RUSC1: variants seen among roughly 807,000 people sequenced by gnomAD.
RUSC1 encodes the protein AP-4 complex accessory subunit RUSC1.
RUSC1 carries 40 observed loss-of-function variants against 72.1 expected under a neutral mutation model. That is an observed-to-expected ratio of 0.55 (90% CI 0.43 to 0.72). The LOEUF (loss-of-function observed/expected upper bound fraction) is 0.72. Among genes scored for constraint, RUSC1 ranks in the 30% least tolerant of loss-of-function variants. The pLI, the probability that RUSC1 is intolerant of heterozygous loss-of-function variation, is 0.00. For missense variants in RUSC1, 1,092 were observed against 1,172.3 expected, an observed-to-expected ratio of 0.93 and a Z score of 1.00; for synonymous variants, 512 against 494.2, an observed-to-expected ratio of 1.04 and a Z score of -0.48.
At chr1:155,324,316 G>C (rs1483291764) in intron 2 of RUSC1, 6 of 1,576,192 alleles carry the variant, frequency 3.8e-6, no homozygotes, top group Non-Finnish European at 2.6e-6. Context: ...AGGCTGCTGC[G>C]GGACCCGGGT....
Position 155,330,656 on chromosome 1 carries a change from C to G in RUSC1, c.*85C>G. The G allele has an allele frequency of 7.5e-7, 1 of 1,326,752 alleles. No individual in the cohort carries two copies. Among genetic ancestry groups the G allele is most frequent in the Non-Finnish European group, 1.0e-6 (1 of 987,698 alleles). The allele number at this position is 1,326,752 out of a possible 1,614,324, so 82.2% of individuals were successfully genotyped here. Reference sequence around the variant, plus strand: ...GTGAACACCATCCCAGAAGCATTTTCCCTCTGCAAAATGACGTTTCTTCCC... The same window carrying G: ...GTGAACACCATCCCAGAAGCATTTTGCCTCTGCAAAATGACGTTTCTTCCC... On this transcript the variant is annotated 3_prime_UTR_variant, in exon 10 of 10. Transcript: ENST00000368352.
intron 2 of RUSC1, 137 bp downstream of exon 2, chr1:155,323,267 GA>G: frequency 9.8e-7 from 1 of 1,022,330 alleles, no homozygotes; most frequent in Non-Finnish European, 1.3e-6. Context: ...AGCGCTCCGG[GA>G]AAGGGAAACT....
chr1:155,328,305 G>A (rs370327369), intron 9 of RUSC1, 30 bp downstream of exon 9: 326 of 1,577,436 alleles, frequency 2.1e-4, no homozygotes, highest in Non-Finnish European at 2.7e-4. Context: ...ATGCACTAGT[G>A]TGTAACCATG....
In RUSC1 at chr1:155,325,723, CG is replaced by C. The variant is rs1557997008; in HGVS notation, c.1814+52del. On this transcript the variant is annotated intron_variant, in intron 6 of 9. Coordinates refer to ENST00000368352, the MANE Select transcript of RUSC1 (RefSeq NM_001105203.2). This position sits in a 1 kb window ranked among gnomAD's most constrained non-coding sequence, Gnocchi z 6.5. ...TTCCCACGACCTGGGACTGCAGGAGCGTCATGGGTGGGACACAGTAGTAGTG... is the reference window on the plus strand; with the variant it reads ...TTCCCACGACCTGGGACTGCAGGAGCTCATGGGTGGGACACAGTAGTAGTG... 1.8e-5 allele frequency: 28 copies of C among 1,599,212 alleles called. No individual in the cohort carries two copies. Among genetic ancestry groups the C allele is most frequent in the Non-Finnish European group, 2.4e-5 (28 of 1,167,782 alleles).
chr1:155,324,393 C>T (rs758574252), intron 2 of RUSC1: 2 of 1,612,998 alleles, frequency 1.2e-6, no homozygotes, highest in Non-Finnish European at 8.5e-7. Flanking sequence ...TCCTCCCTTT[C>T]CCCTGTCTGT....
chr1:155,325,409 C>A lies in RUSC1; in HGVS notation c.1627C>A (p.Leu543Met). 1 of 1,592,064 alleles carries A rather than the reference C, an allele frequency of 6.3e-7. No homozygotes were observed. The highest frequency in any genetic ancestry group is 2.3e-5 in the East Asian group (1 of 44,140). Residue 543 changes from leucine (L) to methionine (M), a missense_variant, in exon 5 of 10, where the codon CTG (leucine) becomes ATG (methionine). Transcript: ENST00000368352. This position sits in a 1 kb window ranked among gnomAD's most constrained non-coding sequence, Gnocchi z 6.5. ...CCTCCACGCCCTGGTGGCGGACGGG[C>A]TGAAGCCTTTCCGGAAGGACCTCAT... ...PALHALVADGLKPFRKDLITG... is the reference protein window; with the variant it reads ...PALHALVADGMKPFRKDLITG...
rs372651498 is a variant in RUSC1, at chr1:155,321,942, G to C, written c.169G>C (p.Gly57Arg). Reference protein sequence around the residue: ...GGKESRGPCSGTLVDANSNSP... With the variant: ...GGKESRGPCSRTLVDANSNSP... ...CAAGGAGAGCAGGGGCCCCTGCAGT[G>C]GCACCCTGGTGGACGCCAATTCCAA... The change falls in exon 2 of 10, where the codon GGC (glycine) becomes CGC (arginine). Residue 57 changes from glycine to arginine, a missense_variant. Gly to Arg is a moderately radical substitution (Grantham distance 125). Transcript: ENST00000368352. The C allele has an allele frequency of 1.6e-5, 25 of 1,603,368 alleles. No individual in the cohort carries two copies. The East Asian group carries it at 1.8e-4, about 11-fold the overall frequency.
At chr1:155,327,963 T>C (rs2148284396) in intron 8 of RUSC1, among the ~76,000 whole-genome samples, 187 bp from the exon 9 acceptor site, 1 of 152,328 alleles carries the variant, frequency 6.6e-6, no homozygotes, top group East Asian at 1.9e-4. Context: ...GGACTTTTGT[T>C]GTCATCTCCC....
chr1:155,323,382 C>T lies in RUSC1; in HGVS notation c.1357+252C>T, dbSNP rs1206313965. The T allele has an allele frequency of 4.2e-4, 164 of 386,986 alleles. 1 individual carries two copies. The East Asian group carries it at 6.1e-3, about 14-fold the overall frequency. The allele number at this position is 386,986 out of a possible 1,614,324, so 24.0% of individuals were successfully genotyped here. On this transcript the variant is annotated intron_variant, in intron 2 of 9. Coordinates refer to ENST00000368352, the MANE Select transcript of RUSC1 (RefSeq NM_001105203.2). ...TGCCCTCCTTCCCTCTGCGCCTGGC[C>T]CCGCCAATCCCGCCTGCAGCCGGTC...
In RUSC1 at chr1:155,328,202, CG is replaced by C; in HGVS notation, c.2473del (p.Ala825HisfsTer39). Reference protein sequence around the residue: ...PTVSVLALVKRGAPPEMPSPQ... With the variant: ...PTVSVLALVKXGAPPEMPSPQ... ...AGTGAGTGTGTTGGCTCTTGTGAAG[CG>C]GGGGGCACCTCCCGAGATGCCTTCT... On this transcript the variant is annotated frameshift_variant, in exon 9 of 10. Coordinates refer to ENST00000368352, the MANE Select transcript of RUSC1 (RefSeq NM_001105203.2). LOFTEE classifies it high-confidence loss of function. 6.2e-7 allele frequency: 1 copy of C among 1,613,396 alleles called. No individual in the cohort carries two copies. Among genetic ancestry groups the C allele is most frequent in the Non-Finnish European group, 8.5e-7 (1 of 1,179,736 alleles).
Position 155,325,440 on chromosome 1 carries a change from G to T in RUSC1, c.1658G>T (p.Gly553Val). 1 of 1,593,088 alleles carries T rather than the reference G, an allele frequency of 6.3e-7. No homozygotes were observed. ...CCTTTCCGGAAGGACCTCATCACCG[G>T]GCAGCGCAGGAGCAGCCCCTGGAGC... The part of the protein sequence containing the change: ...LKPFRKDLIT[G>V]QRRSSPWSVV... The change falls in exon 5 of 10, where the codon GGG becomes GTG. Residue 553 changes from glycine to valine, a missense_variant. Gly to Val is a moderately radical substitution (Grantham distance 109). Transcript: ENST00000368352. The surrounding 1 kb of genome is among the most constrained non-coding windows in gnomAD (Gnocchi z 6.5).
At position 155,325,916 on chromosome 1, in the gene RUSC1, A is replaced by G. The variant is rs1023391733; in HGVS notation, c.1861+6A>G. 6.2e-6 allele frequency: 10 copies of G among 1,613,914 alleles called. No individual in the cohort carries two copies. The highest frequency in any genetic ancestry group is 7.6e-6 in the Non-Finnish European group (9 of 1,179,950). ...CAGTCTCCAGGAAGATGCAGGTCAG[A>G]GGTTCAGATGGTAGAGGATGGGGCT... is the stretch of plus-strand genomic sequence containing the variant. On this transcript the variant is annotated splice_donor_region_variant and intron_variant, in intron 7 of 9. Transcript: ENST00000368352. This position sits in a 1 kb window ranked among gnomAD's most constrained non-coding sequence, Gnocchi z 6.5.
rs758205324 is a variant in RUSC1 at position 155,320,992 on chromosome 1, G to T, written c.-87+1G>T. Reference sequence around the variant, plus strand: ...CCGGAGCGGTTCCAGGAGGACCCTGGTGAGGAGGGCTCGGCCCATGGGTGT... The same window carrying T: ...CCGGAGCGGTTCCAGGAGGACCCTGTTGAGGAGGGCTCGGCCCATGGGTGT... On this transcript the variant is annotated splice_donor_variant, in intron 1 of 9. Coordinates refer to ENST00000368352, the MANE Select transcript of RUSC1 (RefSeq NM_001105203.2). LOFTEE classifies it low-confidence loss of function (5UTR_SPLICE). 1 of 1,521,338 alleles carries T rather than the reference G, an allele frequency of 6.6e-7. No homozygotes were observed. The highest frequency in any genetic ancestry group is 1.1e-5 in the South Asian group (1 of 89,094). 94.2% of individuals were successfully genotyped at this position (1,521,338 alleles called of 1,614,324 possible).
At position 155,323,958 on chromosome 1, in the gene RUSC1, C is replaced by T. The variant is rs757159654; in HGVS notation, c.1357+828C>T. 2.0e-4 allele frequency: 194 copies of T among 994,840 alleles called. No homozygotes were observed. In the Middle Eastern group the frequency reaches 3.6e-3, roughly 18 times the overall value. The allele number at this position is 994,840 out of a possible 1,614,324, so 61.6% of individuals were successfully genotyped here. ...TTAAGCCGACTCCAAGCAAGTTTGTCGGCCTTGGGGAGTCTGGCCCCGTTC... is the reference window on the plus strand; with the variant it reads ...TTAAGCCGACTCCAAGCAAGTTTGTTGGCCTTGGGGAGTCTGGCCCCGTTC... On this transcript the variant is annotated intron_variant, in intron 2 of 9. Transcript: ENST00000368352.
chr1:155,322,119 G>T lies in RUSC1; in HGVS notation c.346G>T (p.Glu116Ter). 1 of 1,611,128 alleles carries T rather than the reference G, an allele frequency of 6.2e-7. No homozygotes were observed. ...CTCCTGCTCAGATCTTAGCCCCGAT[G>T]AGTCCCCTGTCTCAGTCTACTTGCG... The part of the protein sequence containing the change: ...LSSCSDLSPD[E>*]SPVSVYLRDL... The change falls in exon 2 of 10, where the codon GAG becomes TAG. Residue 116 changes from glutamate to a stop codon, truncating the protein, a stop_gained. Transcript: ENST00000368352. LOFTEE classifies it high-confidence loss of function.
chr1:155,329,809 G>T (rs1305419648), intron 9 of RUSC1, among the ~76,000 whole-genome samples: 1 of 151,872 alleles, frequency 6.6e-6, no homozygotes, highest in Non-Finnish European at 1.5e-5. Context: ...ACAAAAATTA[G>T]CCAGGCGTGG....
chr1:155,330,714 T>C lies in RUSC1; in HGVS notation c.*143T>C. On this transcript the variant is annotated 3_prime_UTR_variant, in exon 10 of 10. Transcript: ENST00000368352. ...TTTCTGCTAATATTTAAAATAAACT[T>C]TCCTTCTTCCCTCCTATACCCACCT... The C allele has an allele frequency of 1.2e-6, 1 of 818,766 alleles. No individual in the cohort carries two copies. The highest frequency in any genetic ancestry group is 1.8e-5 in the African/African-American group (1 of 56,734). 50.7% of individuals were successfully genotyped at this position (818,766 alleles called of 1,614,324 possible).
At chr1:155,323,245 C>T (rs1191187925) in intron 2 of RUSC1, 115 bp downstream of exon 2, 3 of 1,201,720 alleles carry the variant, frequency 2.5e-6, no homozygotes, top group Non-Finnish European at 3.3e-6. Context: ...CTCCCCGCCC[C>T]TTCTACCAGG....
chr1:155,327,429 T>C (rs182093575), intron 8 of RUSC1, among the ~76,000 whole-genome samples: 4 of 152,276 alleles, frequency 2.6e-5, no homozygotes, highest in Admixed American at 2.6e-4. Flanking sequence ...CTACAGTTGA[T>C]GTATAGGAAA....
Sources: allele counts gnomAD v4.1 joint callset (sites outside exome capture counted in the v4.1 genomes callset), GRCh38; gene constraint gnomAD v4.1.1; non-coding constraint Gnocchi (gnomAD v3.1); transcripts MANE v1.5; gene names NCBI Gene and HGNC (gene_info 2026-07-23, HGNC 2026-07-21).